FGFR1: variants seen among roughly 807,000 people sequenced by gnomAD.
FGFR1 encodes FGFR1/PLAG1 fusion.
In FGFR1, 18 loss-of-function variants were observed where a neutral mutation model predicts 93.7. The observed-to-expected ratio is 0.19, with a 90% CI of 0.13 to 0.28. The LOEUF is 0.28. Ranked by LOEUF, FGFR1 falls within the 10% of genes least tolerant of loss-of-function variation. FGFR1 has a pLI of 1.00. For synonymous variants in FGFR1, 448 were observed against 429.3 expected (o/e 1.04, Z -0.54); for missense variants, 731 against 1,080.4 (o/e 0.68, Z 4.53).
At chr8:38,443,106 G>C (rs982748887) in intron 2 of FGFR1, among the ~76,000 whole-genome samples, 3 of 152,196 alleles carry the variant, frequency 2.0e-5, no homozygotes, top group Non-Finnish European at 4.4e-5. Flanking sequence ...AGGGGAGAAG[G>C]GGGAGTTAGC....
At chr8:38,445,016 C>G (rs1563578336) in intron 2 of FGFR1, among the ~76,000 whole-genome samples, 1 of 152,160 alleles carries the variant, frequency 6.6e-6, no homozygotes, top group Non-Finnish European at 1.5e-5. Flanking sequence ...CAAGTCACCT[C>G]CCCTCTCAAG....
chr8:38,440,828 C>T (rs915991002), intron 2 of FGFR1, among the ~76,000 whole-genome samples: 7 of 152,156 alleles, frequency 4.6e-5, no homozygotes, highest in Non-Finnish European at 1.0e-4. Context: ...CCCACCGGGG[C>T]TTACTAAAGG....
chr8:38,434,465 A>G, intron 2 of FGFR1: 1 of 410,566 alleles, frequency 2.4e-6, no homozygotes, highest in Non-Finnish European at 4.7e-6. Context: ...TCTCAGAAGG[A>G]CTGTGCAAGT....
chr8:38,444,622 C>G (rs907629837), intron 2 of FGFR1, among the ~76,000 whole-genome samples: 9 of 148,458 alleles, frequency 6.1e-5, no homozygotes, highest in Non-Finnish European at 8.9e-5. Flanking sequence ...GAACTCCTGA[C>G]GTCAGGTGAT....
At chr8:38,422,774 G>A (rs1394555375) in intron 7 of FGFR1, 65 of 468,074 alleles carry the variant, frequency 1.4e-4, no homozygotes, top group Admixed American at 1.0e-3. Flanking sequence ...CAGCAAAACC[G>A]TGTCCCCGTG....
chr8:38,415,912 G>C lies in FGFR1; in HGVS notation c.1812C>G (p.Ala604=), dbSNP rs758626967. ...QLSSKDLVSC[A]YQVARGMEYL... is the part of the protein sequence containing the mutation. ...ACTCCATGCCTCGGGCCACCTGGTAGGCGCAGGACACCAGGTCCTTGGAGG... is the reference window on the plus strand; with the variant it reads ...ACTCCATGCCTCGGGCCACCTGGTACGCGCAGGACACCAGGTCCTTGGAGG... The change falls in exon 13 of 18, where the codon GCC becomes GCG. Residue 604 remains alanine, a synonymous_variant. Coordinates refer to ENST00000447712, the MANE Select transcript of FGFR1 (RefSeq NM_023110.3). The C allele has an allele frequency of 6.2e-7, 1 of 1,614,054 alleles. No homozygotes were observed. The highest frequency in any genetic ancestry group is 1.7e-5 in the Admixed American group (1 of 60,028).
intron 2 of FGFR1, among the ~76,000 whole-genome samples, chr8:38,444,859 G>A (rs999539371): frequency 2.6e-5 from 4 of 152,292 alleles, no homozygotes; most frequent in African/African-American, 9.6e-5. Context: ...CTAGAAGAGA[G>A]AGAGTATACT....
chr8:38,424,488 G>T lies in FGFR1; in HGVS notation c.936+21C>A, dbSNP rs373562127. 2 of 1,614,022 alleles carry T rather than the reference G, an allele frequency of 1.2e-6. No homozygotes were observed. Among genetic ancestry groups the T allele is most frequent in the Non-Finnish European group, 1.7e-6 (2 of 1,179,992 alleles). On this transcript the variant is annotated intron_variant, in intron 7 of 17. Transcript: ENST00000447712. This position sits in a 1 kb window ranked among gnomAD's most constrained non-coding sequence, Gnocchi z 4.3. ...TCTCCTTCCCAGTAGACTGGCCCAC[G>T]AAGACTGGTGCCATGATTACCTTCA...
chr8:38,423,339 G>A (rs556540135), intron 7 of FGFR1: 3 of 454,368 alleles, frequency 6.6e-6, no homozygotes, highest in East Asian at 4.1e-5. Context: ...TTTTTTTAAC[G>A]CAGAGTCTCA....
At chr8:38,449,921 A>G (rs1438174381) in intron 2 of FGFR1, among the ~76,000 whole-genome samples, 2 of 152,244 alleles carry the variant, frequency 1.3e-5, no homozygotes, top group Non-Finnish European at 2.9e-5. Flanking sequence ...CTCTGAGGGT[A>G]GAAGTTCAAT....
chr8:38,457,630 T>A, intron 1 of FGFR1, 96 bp from the exon 2 acceptor site: 1 of 1,276,376 alleles, frequency 7.8e-7, no homozygotes, highest in Non-Finnish European at 1.1e-6. Context: ...GGTGGCTGCT[T>A]AAAGTGTGGA....
At chr8:38,420,097 C>A (rs1204142674) in intron 8 of FGFR1, 1 of 316,310 alleles carries the variant, frequency 3.2e-6, no homozygotes. Context: ...CTTTCTTGGT[C>A]TCCTCAGGGA....
At position 38,468,521 on chromosome 8, in the gene FGFR1, C is replaced by T. The variant is rs1836003107; in HGVS notation, c.-629G>A. 1 of 228,786 alleles carries T rather than the reference C, an allele frequency of 4.4e-6. No homozygotes were observed. Among genetic ancestry groups the T allele is most frequent in the Non-Finnish European group, 8.7e-6 (1 of 114,992 alleles). 14.2% of individuals were successfully genotyped at this position (228,786 alleles called of 1,614,324 possible). ...CCGGACGTGGCCGCCCAGCTCCCGG[C>T]ACACCCGGGTTCCTCCGCGCGCTGC... On this transcript the variant is annotated 5_prime_UTR_variant, in exon 1 of 18. Transcript: ENST00000447712.
rs2150872003 is a variant in FGFR1, at chr8:38,426,350, T to C, written c.622-105A>G. ...ACCTGCCCTCCATATCAGAGCCTGG[T>C]GGCACAGGGCCCCAGGCTGCAGGGT... On this transcript the variant is annotated intron_variant, in intron 5 of 17. Coordinates refer to ENST00000447712, the MANE Select transcript of FGFR1 (RefSeq NM_023110.3). The surrounding 1 kb of genome is among the most constrained non-coding windows in gnomAD (Gnocchi z 4.1). 6.6e-7 allele frequency: 1 copy of C among 1,513,708 alleles called. No individual in the cohort carries two copies. Among genetic ancestry groups the C allele is most frequent in the East Asian group, 2.3e-5 (1 of 44,404 alleles). 93.8% of individuals were successfully genotyped at this position (1,513,708 alleles called of 1,614,324 possible).
intron 1 of FGFR1, 161 bp downstream of exon 1, chr8:38,467,820 C>G (rs2151504133): frequency 4.7e-6 from 1 of 212,328 alleles, no homozygotes; most frequent in African/African-American, 2.3e-5. Flanking sequence ...GCGGATCGCC[C>G]GGGAGGGAGC....
rs533490304 is a variant in FGFR1, at chr8:38,445,605, C to T, written c.91+11751G>A. Among the ~76,000 whole-genome samples the T allele has an allele frequency of 3.3e-3, 497 of 152,270 alleles. 3 individuals carry two copies. The highest frequency in any genetic ancestry group is 3.5e-3 in the Non-Finnish European group (237 of 68,016). ...CCAGGCTGGAGTGCAATGGTGCAAT[C>T]TTGGCTCACTGCAACCTCCGCCTCC... On this transcript the variant is annotated intron_variant, in intron 2 of 17. Transcript: ENST00000447712.
intron 7 of FGFR1, chr8:38,423,536 G>A (rs1819589464): frequency 7.9e-6 from 2 of 251,812 alleles, no homozygotes; most frequent in Non-Finnish European, 1.5e-5. Flanking sequence ...TGGCCGGGCT[G>A]GTCTCAAACT....
intron 9 of FGFR1, 67 bp from the exon 10 acceptor site, chr8:38,418,440 G>T (rs1229559001): frequency 3.5e-5 from 54 of 1,543,586 alleles, no homozygotes; most frequent in Non-Finnish European, 4.7e-5. Flanking sequence ...CCCATTCTTA[G>T]TCAGGGCTTC....
intron 2 of FGFR1, among the ~76,000 whole-genome samples, chr8:38,444,674 G>T (rs993400129): frequency 1.3e-5 from 2 of 151,054 alleles, no homozygotes; most frequent in Admixed American, 6.7e-5. Context: ...TTACTGGCAT[G>T]AGCCACCATG....
Sources: allele counts gnomAD v4.1 joint callset (sites outside exome capture counted in the v4.1 genomes callset), GRCh38; gene constraint gnomAD v4.1.1; non-coding constraint Gnocchi (gnomAD v3.1); transcripts MANE v1.5; gene names NCBI Gene and HGNC (gene_info 2026-07-23, HGNC 2026-07-21).